The following PKNOX2 variants were observed in gnomAD, a reference collection of about 807,000 sequenced individuals.
The protein encoded by PKNOX2 is PBX/knotted 1 homeobox 2.
Under a neutral mutation model 53.1 loss-of-function variants are expected in PKNOX2, and 14 were observed. The ratio of observed to expected loss-of-function variants is 0.26; its 90% confidence interval spans 0.17 to 0.41. The LOEUF is 0.41. Ranked by LOEUF, PKNOX2 falls within the 10% of genes least tolerant of loss-of-function variation. The probability of loss-of-function intolerance (pLI) is 1.00; values close to 1 mark genes in which losing one functional copy is unlikely to be tolerated. For missense variants in PKNOX2, 496 were observed against 602.8 expected, an observed-to-expected ratio of 0.82 and a Z score of 1.85; for synonymous variants, 257 against 242.8, an observed-to-expected ratio of 1.06 and a Z score of -0.54.
chr11:125,295,801 C>A (rs541388906), intron 2 of PKNOX2, among the ~76,000 whole-genome samples: 11 of 152,322 alleles, frequency 7.2e-5, no homozygotes, highest in African/African-American at 2.4e-4. Flanking sequence ...TGTATCGTTT[C>A]GGCATCTGCT....
chr11:125,303,525 T>A (rs1948221765), intron 2 of PKNOX2, among the ~76,000 whole-genome samples: 1 of 152,158 alleles, frequency 6.6e-6, no homozygotes, highest in Non-Finnish European at 1.5e-5. Flanking sequence ...TGCCTGGGCC[T>A]CTTTCCCTGT....
At position 125,413,134 on chromosome 11, in the gene PKNOX2, T is replaced by C. The variant is rs1955662770; in HGVS notation, c.936+1269T>C. 2.0e-5 allele frequency among the ~76,000 whole-genome samples: 3 copies of C among 152,320 alleles called. No individual in the cohort carries two copies. In the South Asian group the frequency reaches 6.2e-4, roughly 32 times the overall value. On this transcript the variant is annotated intron_variant, in intron 10 of 12. Coordinates refer to ENST00000298282, the MANE Select transcript of PKNOX2 (RefSeq NM_001382323.2). ...CCCAGTGGTTTGCTGAGTGAGTACA[T>C]TTTGAAAGCACTGACTAGTCTGAAC... is the stretch of plus-strand genomic sequence containing the variant.
At chr11:125,368,079 G>A (rs775451728) in intron 5 of PKNOX2, 94 bp downstream of exon 5, 7 of 1,452,774 alleles carry the variant, frequency 4.8e-6, no homozygotes, top group Admixed American at 2.5e-5. Context: ...GGGTGGGCTC[G>A]GCAGAGATGA....
chr11:125,386,361 TA>T (rs971514467), intron 6 of PKNOX2, among the ~76,000 whole-genome samples: 3 of 152,200 alleles, frequency 2.0e-5, no homozygotes, highest in Non-Finnish European at 2.9e-5. Context: ...ATCTGCATTT[TA>T]AAAAGTTTCC....
chr11:125,330,112 G>C (rs1396000666), intron 2 of PKNOX2: 2 of 152,934 alleles, frequency 1.3e-5, no homozygotes, highest in African/African-American at 4.8e-5. Flanking sequence ...GAGGAGCATG[G>C]AGGGGAGAAG....
intron 1 of PKNOX2, among the ~76,000 whole-genome samples, chr11:125,192,291 G>A (rs551074155): frequency 1.3e-5 from 2 of 152,336 alleles, no homozygotes; most frequent in African/African-American, 2.4e-5. Context: ...CGGCAGAGCC[G>A]TGCAAAGCCA....
intron 3 of PKNOX2, among the ~76,000 whole-genome samples, chr11:125,339,132 G>A (rs993626616): frequency 2.6e-5 from 4 of 152,204 alleles, no homozygotes; most frequent in African/African-American, 9.7e-5. Context: ...AGGTTGAAGG[G>A]GACGGGACCT....
At chr11:125,252,831 T>C (rs1056201070) in intron 2 of PKNOX2, among the ~76,000 whole-genome samples, 17 of 152,170 alleles carry the variant, frequency 1.1e-4, no homozygotes, top group African/African-American at 3.9e-4. Context: ...ACAGGTGGCA[T>C]CAGCTCACTC....
At chr11:125,330,566 C>T (rs927547572) in intron 2 of PKNOX2, among the ~76,000 whole-genome samples, 13 of 152,048 alleles carry the variant, frequency 8.5e-5, no homozygotes, top group Admixed American at 5.9e-4. Context: ...ATCCTTGCTT[C>T]CTTCAGCTCA....
chr11:125,403,517 G>C (rs1954882697), intron 7 of PKNOX2, among the ~76,000 whole-genome samples: 1 of 152,166 alleles, frequency 6.6e-6, no homozygotes, highest in Non-Finnish European at 1.5e-5. Flanking sequence ...CTTCATGACA[G>C]GCTGCAAGGT....
Position 125,224,864 on chromosome 11 carries a change from C to T in PKNOX2, c.-200-10181C>T, listed in dbSNP as rs139844365. Reference sequence around the variant, plus strand: ...TTATTTATGAAACAATATTCAGGACCGCCCCCCGGAGGCAAGTTAGGGAAT... The same window carrying T: ...TTATTTATGAAACAATATTCAGGACTGCCCCCCGGAGGCAAGTTAGGGAAT... On this transcript the variant is annotated intron_variant, in intron 1 of 12. Coordinates refer to ENST00000298282, the MANE Select transcript of PKNOX2 (RefSeq NM_001382323.2). 1.0e-3 allele frequency among the ~76,000 whole-genome samples: 155 copies of T among 152,288 alleles called. 2 individuals are homozygous for T. The highest frequency in any genetic ancestry group is 3.6e-3 in the African/African-American group (150 of 41,560).
intron 5 of PKNOX2, among the ~76,000 whole-genome samples, chr11:125,384,274 A>G (rs1953463820): frequency 6.6e-6 from 1 of 152,174 alleles, no homozygotes; most frequent in South Asian, 2.1e-4. Flanking sequence ...CTCACAGTCT[A>G]GTGAGGAAGG....
In PKNOX2 at chr11:125,165,655, A is replaced by G. The variant is rs931301617; in HGVS notation, c.-201+879A>G. ...CGAGGGGCTACACGCACGGACCCTC[A>G]CCCAGGGAGGAGCGAGAATGTGTAG... On this transcript the variant is annotated intron_variant, in intron 1 of 12. Transcript: ENST00000298282. This position sits in a 1 kb window ranked among gnomAD's most constrained non-coding sequence, Gnocchi z 4.5. Among the ~76,000 whole-genome samples, 4 of 152,152 alleles carry G rather than the reference A, an allele frequency of 2.6e-5. No homozygotes were observed. Among genetic ancestry groups the G allele is most frequent in the Non-Finnish European group, 4.4e-5 (3 of 68,020 alleles).
At chr11:125,268,923 G>A (rs1945562618) in intron 2 of PKNOX2, among the ~76,000 whole-genome samples, 1 of 149,746 alleles carries the variant, frequency 6.7e-6, no homozygotes, top group African/African-American at 2.5e-5. Context: ...GCTTCTCATA[G>A]GGGAGTTGGG....
intron 5 of PKNOX2, among the ~76,000 whole-genome samples, chr11:125,373,157 G>T (rs1239542593): frequency 6.6e-6 from 1 of 152,200 alleles, no homozygotes; most frequent in Non-Finnish European, 1.5e-5. Flanking sequence ...AAATAGACTT[G>T]GTGAGAACTG....
chr11:125,362,852 G>A (rs1225874361), intron 4 of PKNOX2, among the ~76,000 whole-genome samples: 1 of 152,196 alleles, frequency 6.6e-6, no homozygotes, highest in Admixed American at 6.5e-5. Context: ...ATTTTCATGA[G>A]TAGAAGGCCA....
intron 6 of PKNOX2, among the ~76,000 whole-genome samples, chr11:125,392,500 TTAG>T: frequency 6.6e-6 from 1 of 152,216 alleles, no homozygotes; most frequent in Non-Finnish European, 1.5e-5. Context: ...ACCAATTCCA[TTAG>T]CCCATAAAAA....
At chr11:125,337,017 A>G (rs1271311839) in intron 3 of PKNOX2, among the ~76,000 whole-genome samples, 1 of 151,214 alleles carries the variant, frequency 6.6e-6, no homozygotes, top group East Asian at 1.9e-4. Context: ...ATATAGTACT[A>G]CATATTATAT....
At chr11:125,411,458 GTCTTTCTCTCTCTCTCTCTCTC>G (rs1955508172) in intron 9 of PKNOX2, 2 of 321,526 alleles carry the variant, frequency 6.2e-6, no homozygotes, top group African/African-American at 1.2e-4. Context: ...TGTTTCCTCT[GTCTTTCTCTCTCTCTCTCTCTC>G]TCTCTCTCTC....
Sources: allele counts gnomAD v4.1 joint callset (sites outside exome capture counted in the v4.1 genomes callset), GRCh38; gene constraint gnomAD v4.1.1; non-coding constraint Gnocchi (gnomAD v3.1); transcripts MANE v1.5; gene names NCBI Gene and HGNC (gene_info 2026-07-23, HGNC 2026-07-21).